ZNF790: variants seen among roughly 807,000 people sequenced by gnomAD.
ZNF790 encodes zinc finger protein 790.
ZNF790 carries 8 observed loss-of-function variants against 12.1 expected under a neutral mutation model. That is an observed-to-expected ratio of 0.66 (90% CI 0.39 to 1.19). The LOEUF (loss-of-function observed/expected upper bound fraction) is 1.19, where lower values mean the gene tolerates loss of function less well. Ranked by LOEUF, ZNF790 falls within the 50% of genes most tolerant of loss-of-function variation. ZNF790 has a pLI of 0.01. For synonymous variants in ZNF790, 252 were observed against 244.3 expected (o/e 1.03, Z -0.29); for missense variants, 707 against 752.2 (o/e 0.94, Z 0.70).
At chr19:36,836,061 GAC>G (rs2072038483) in intron 1 of ZNF790, among the ~76,000 whole-genome samples, 12 of 151,934 alleles carry the variant, frequency 7.9e-5, no homozygotes, top group African/African-American at 2.9e-4. Flanking sequence ...TGCCTACCTT[GAC>G]CCCCCTTCTA....
rs903557760 is a variant in ZNF790, at chr19:36,838,106, GCACACA to G, written c.-74+225_-74+230del. On this transcript the variant is annotated intron_variant, in intron 1 of 4. Transcript: ENST00000356725. This position sits in a 1 kb window ranked among gnomAD's most constrained non-coding sequence, Gnocchi z 4.4. ...CTGTCAACGTCGTGTGCGCGTGCGCGCACACACACACACACACACACATACACACAC... is the reference window on the plus strand; with the variant it reads ...CTGTCAACGTCGTGTGCGCGTGCGCGCACACACACACACACATACACACAC... 6.7e-5 allele frequency: 5 copies of G among 75,064 alleles called. No homozygotes were observed. Among genetic ancestry groups the G allele is most frequent in the Non-Finnish European group, 7.9e-5 (3 of 37,928 alleles). 4.6% of individuals were successfully genotyped at this position (75,064 alleles called of 1,614,324 possible).
At chr19:36,827,111 T>TACACACACACACACACACAC (rs1163360749) in intron 1 of ZNF790, among the ~76,000 whole-genome samples, 1 of 65,120 alleles carries the variant, frequency 1.5e-5, no homozygotes. Context: ...TGTATATATA[T>TACACACACACACACACACAC]ACACATACAC....
intron 4 of ZNF790, among the ~76,000 whole-genome samples, chr19:36,821,908 G>A (rs566953904): frequency 6.6e-6 from 1 of 152,156 alleles, no homozygotes; most frequent in South Asian, 2.1e-4. Flanking sequence ...TTATGACACT[G>A]TGTTCTTCTC....
At chr19:36,833,580 TAAAAGTA>T (rs1213376335) in intron 1 of ZNF790, among the ~76,000 whole-genome samples, 3 of 152,146 alleles carry the variant, frequency 2.0e-5, no homozygotes, top group East Asian at 3.8e-4. Flanking sequence ...ATAGGAAGCT[TAAAAGTA>T]AAAGGATAGC....
Position 36,819,657 on chromosome 19 carries a change from T to G in ZNF790, c.687A>C (p.Lys229Asn), listed in dbSNP as rs2146008648. The change falls in exon 5 of 5, where the codon AAA (lysine) becomes AAC (asparagine). Residue 229 changes from lysine (K) to asparagine (N), a missense_variant. Coordinates refer to ENST00000356725, the MANE Select transcript of ZNF790 (RefSeq NM_206894.4). ...GTAAACTAAAAGACTTCCCACATTC[T>G]TTACATTCATATGTTTTCTTAACAG... The part of the protein sequence containing the change: ...VHTVKKTYEC[K>N]ECGKSFSLRS... 3 of 1,609,422 alleles carry G rather than the reference T, an allele frequency of 1.9e-6. No individual in the cohort carries two copies. The East Asian group carries it at 6.7e-5, about 36-fold the overall frequency.
Position 36,819,225 on chromosome 19 carries a change from T to A in ZNF790, c.1119A>T (p.Lys373Asn). The change falls in exon 5 of 5, where the codon AAA becomes AAT. Residue 373 changes from lysine to asparagine, a missense_variant. Transcript: ENST00000356725. ...EKSHECKECG[K>N]AFIRGSNLAQ... ...CAAGATTTGAACCACGAATAAAGGC[T>A]TTTCCACATTCCTTACACTCATGAG... 1 of 1,613,846 alleles carries A rather than the reference T, an allele frequency of 6.2e-7. No individual in the cohort carries two copies. Among genetic ancestry groups the A allele is most frequent in the South Asian group, 1.1e-5 (1 of 91,046 alleles).
chr19:36,847,494 A>G (rs537297279), intron 1 of ZNF790, among the ~76,000 whole-genome samples: 1 of 151,880 alleles, frequency 6.6e-6, no homozygotes, highest in Non-Finnish European at 1.5e-5. Context: ...TCACGCCTGT[A>G]ATCCCAGCAC....
Position 36,818,738 on chromosome 19 carries a change from A to T in ZNF790, c.1606T>A (p.Cys536Ser). 2 of 1,612,728 alleles carry T rather than the reference A, an allele frequency of 1.2e-6. No individual in the cohort carries two copies. Among genetic ancestry groups the T allele is most frequent in the South Asian group, 2.2e-5 (2 of 90,980 alleles). Residue 536 changes from cysteine to serine, a missense_variant, in exon 5 of 5, where the codon TGT (cysteine) becomes AGT (serine). Cys to Ser is a moderately radical substitution (Grantham distance 112). Coordinates refer to ENST00000356725, the MANE Select transcript of ZNF790 (RefSeq NM_206894.4). Reference protein sequence around the residue: ...RMHTGEEPYVCKECGKSFIWG... With the variant: ...RMHTGEEPYVSKECGKSFIWG... Reference sequence around the variant, plus strand: ...ATAAAAGATTTCCCACATTCTTTACATACGTAAGGTTCCTCACCAGTATGC... The same window carrying T: ...ATAAAAGATTTCCCACATTCTTTACTTACGTAAGGTTCCTCACCAGTATGC...
At chr19:36,822,134 A>G (rs1272835797) in intron 4 of ZNF790, among the ~76,000 whole-genome samples, 1 of 152,206 alleles carries the variant, frequency 6.6e-6, no homozygotes, top group South Asian at 2.1e-4. Flanking sequence ...TTTTAAACCT[A>G]AAATAAGAAA....
chr19:36,831,327 G>A (rs139593287), intron 1 of ZNF790, among the ~76,000 whole-genome samples: 2 of 149,500 alleles, frequency 1.3e-5, no homozygotes, highest in East Asian at 1.9e-4. Flanking sequence ...AAAAATATAC[G>A]ATCTCAGGAG....
In ZNF790 at chr19:36,818,268, A is replaced by C; in HGVS notation, c.*165T>G. 1.8e-6 allele frequency: 1 copy of C among 548,720 alleles called. No homozygotes were observed. The highest frequency in any genetic ancestry group is 3.0e-5 in the East Asian group (1 of 32,850). The allele number at this position is 548,720 out of a possible 1,614,324, so 34.0% of individuals were successfully genotyped here. A position where few individuals can be genotyped will look rare whatever the true frequency, so the allele number is the denominator to read the frequency against. ...GTAATTTCTTTCCTATATTGATTGCATGATGAATTCTCTGCTGCTGCTGCT... is the reference window on the plus strand; with the variant it reads ...GTAATTTCTTTCCTATATTGATTGCCTGATGAATTCTCTGCTGCTGCTGCT... On this transcript the variant is annotated 3_prime_UTR_variant, in exon 5 of 5. Coordinates refer to ENST00000356725, the MANE Select transcript of ZNF790 (RefSeq NM_206894.4).
At position 36,822,733 on chromosome 19, in the gene ZNF790, T is replaced by G. The variant is rs926419454; in HGVS notation, c.229+552A>C. ...TTTTGTATTTTTAGTAGAGACGAGG[T>G]TTCACCATGTTGGCCAGGCTGGTCT... is the stretch of plus-strand genomic sequence containing the variant. On this transcript the variant is annotated intron_variant, in intron 4 of 4. Transcript: ENST00000356725. Among the ~76,000 whole-genome samples the G allele has an allele frequency of 6.6e-5, 10 of 152,034 alleles. No homozygotes were observed. In the South Asian group the frequency reaches 8.3e-4, roughly 13 times the overall value.
chr19:36,823,635 C>T (rs768604301), intron 3 of ZNF790, 32 bp downstream of exon 3: 3 of 1,594,662 alleles, frequency 1.9e-6, no homozygotes, highest in South Asian at 2.3e-5. Context: ...ATACAGAAAG[C>T]AGGAATTTCT....
intron 1 of ZNF790, among the ~76,000 whole-genome samples, chr19:36,846,362 C>G (rs1050759969): frequency 1.3e-5 from 2 of 151,958 alleles, no homozygotes; most frequent in African/African-American, 2.4e-5. Flanking sequence ...GTCAGGAGAT[C>G]GAGACCATCC....
chr19:36,821,877 G>A (rs1241262571), intron 4 of ZNF790, among the ~76,000 whole-genome samples: 2 of 152,116 alleles, frequency 1.3e-5, no homozygotes, highest in Admixed American at 6.5e-5. Flanking sequence ...ATGAGCCACC[G>A]CGTCTGGCTG....
intron 1 of ZNF790, among the ~76,000 whole-genome samples, chr19:36,834,060 T>C (rs574023741): frequency 6.6e-6 from 1 of 151,840 alleles, no homozygotes; most frequent in Admixed American, 6.6e-5. Flanking sequence ...CTGACCAACA[T>C]GGAGAAACCT....
chr19:36,843,343 A>G (rs1249804317), upstream of ZNF790, among the ~76,000 whole-genome samples: 1 of 152,186 alleles, frequency 6.6e-6, no homozygotes. Context: ...AAAGCTTCCA[A>G]AAAGCAGCAG....
chr19:36,827,111 T>TAC (rs1163360749), intron 1 of ZNF790, among the ~76,000 whole-genome samples: 1 of 65,122 alleles, frequency 1.5e-5, no homozygotes, highest in African/African-American at 5.4e-5. Context: ...TGTATATATA[T>TAC]ACACATACAC....
rs980146288 is a variant in ZNF790 at position 36,838,356 on chromosome 19, A to T, written c.-93T>A. On this transcript the variant is annotated 5_prime_UTR_variant, in exon 1 of 5. Transcript: ENST00000356725. The surrounding 1 kb of genome is among the most constrained non-coding windows in gnomAD (Gnocchi z 4.4). ...ACTCACCCGGCCCTGCGGTCCCTTG[A>T]TGGTGGAAGGTTCCGCGATCTTTCT... 1 of 152,294 alleles carries T rather than the reference A, an allele frequency of 6.6e-6. No homozygotes were observed. The highest frequency in any genetic ancestry group is 2.4e-5 in the African/African-American group (1 of 41,456). 9.4% of individuals were successfully genotyped at this position (152,294 alleles called of 1,614,324 possible). A position where few individuals can be genotyped will look rare whatever the true frequency, so the allele number is the denominator to read the frequency against.
Sources: allele counts gnomAD v4.1 joint callset (sites outside exome capture counted in the v4.1 genomes callset), GRCh38; gene constraint gnomAD v4.1.1; non-coding constraint Gnocchi (gnomAD v3.1); transcripts MANE v1.5; gene names NCBI Gene and HGNC (gene_info 2026-07-23, HGNC 2026-07-21).